Variants in COPB2 observed in about 807,000 individuals in gnomAD.
COPB2 encodes coat protein complex I subunit beta 2.
COPB2 carries 16 observed loss-of-function variants against 120.8 expected under a neutral mutation model. That is an observed-to-expected ratio of 0.13 (90% CI 0.09 to 0.20). The LOEUF (loss-of-function observed/expected upper bound fraction) is 0.20. Among genes scored for constraint, COPB2 ranks in the 10% least tolerant of loss-of-function variants. The pLI is 1.00. For missense variants in COPB2, 794 were observed against 1,076.5 expected, an observed-to-expected ratio of 0.74 and a Z score of 3.67; for synonymous variants, 332 against 366.3, an observed-to-expected ratio of 0.91 and a Z score of 1.07.
Position 139,369,483 on chromosome 3 carries a change from A to AT in COPB2, c.1266dup (p.Ser423IlefsTer3). 6.2e-7 allele frequency: 1 copy of AT among 1,611,802 alleles called. No homozygotes were observed. The highest frequency in any genetic ancestry group is 8.5e-7 in the Non-Finnish European group (1 of 1,178,850). On this transcript the variant is annotated frameshift_variant, in exon 11 of 22. Coordinates refer to ENST00000333188, the MANE Select transcript of COPB2 (RefSeq NM_004766.3). LOFTEE classifies it high-confidence loss of function. ...TCTGCTCCAAAATCTGGTTTAAATG[A>AT]TTTTTTTTCCTTAAAGTTCTTAAAT...
intron 16 of COPB2, 57 bp from the exon 17 acceptor site, chr3:139,361,352 C>T: frequency 6.6e-7 from 1 of 1,509,208 alleles, no homozygotes; most frequent in Non-Finnish European, 9.1e-7. Context: ...TTTACATTTC[C>T]AACATTATTC....
chr3:139,377,068 A>G (rs1168195179), intron 5 of COPB2, among the ~76,000 whole-genome samples: 3 of 123,576 alleles, frequency 2.4e-5, no homozygotes, highest in African/African-American at 7.4e-5. Context: ...TTTAAATATT[A>G]TGATAAAAAA....
chr3:139,371,410 G>T (rs1040939391), intron 10 of COPB2, among the ~76,000 whole-genome samples: 3 of 152,292 alleles, frequency 2.0e-5, no homozygotes, highest in African/African-American at 7.2e-5. Flanking sequence ...AGACATGAGG[G>T]TCTACTGTGC....
intron 12 of COPB2, among the ~76,000 whole-genome samples, chr3:139,368,902 G>T (rs956745283): frequency 6.6e-6 from 1 of 152,184 alleles, no homozygotes; most frequent in African/African-American, 2.4e-5. Flanking sequence ...TCAAGTTCAA[G>T]CAGCTATCAT....
intron 10 of COPB2, 87 bp from the exon 11 acceptor site, chr3:139,369,631 T>C: frequency 1.2e-6 from 1 of 829,360 alleles, no homozygotes. Flanking sequence ...CAAATATTTT[T>C]CAGTAATTAT....
chr3:139,361,557 T>A (rs559436322), intron 16 of COPB2, among the ~76,000 whole-genome samples: 17 of 152,346 alleles, frequency 1.1e-4, no homozygotes, highest in African/African-American at 4.1e-4. Flanking sequence ...ATCTTATAAT[T>A]ACACAGGGAA....
chr3:139,376,794 A>C (rs1941720684), intron 5 of COPB2, among the ~76,000 whole-genome samples: 1 of 152,210 alleles, frequency 6.6e-6, no homozygotes, highest in Non-Finnish European at 1.5e-5. Context: ...CTGTCCCCCA[A>C]GTTGGAGCGC....
chr3:139,369,077 G>A (rs1165907355), intron 12 of COPB2, among the ~76,000 whole-genome samples, 184 bp downstream of exon 12: 2 of 152,154 alleles, frequency 1.3e-5, no homozygotes, highest in Non-Finnish European at 2.9e-5. Context: ...TAATGAGGCC[G>A]TAGACAATGT....
At chr3:139,380,543 T>C in intron 2 of COPB2, 1 of 152,230 alleles carries the variant, frequency 6.6e-6, no homozygotes, top group East Asian at 1.9e-4. Context: ...GTTCTCCTTC[T>C]TTGATGCCTG....
intron 8 of COPB2, 103 bp from the exon 9 acceptor site, chr3:139,373,515 C>T (rs1576374943): frequency 2.6e-6 from 4 of 1,513,110 alleles, no homozygotes; most frequent in East Asian, 4.6e-5. Context: ...CATTTCCTTT[C>T]TTCCACTTTA....
chr3:139,386,403 T>C (rs1941922507), intron 1 of COPB2, among the ~76,000 whole-genome samples: 1 of 151,988 alleles, frequency 6.6e-6, no homozygotes, highest in African/African-American at 2.4e-5. Flanking sequence ...TACAGGTGCC[T>C]GCCACCATGT....
chr3:139,368,298 A>G lies in COPB2; in HGVS notation c.1402-10T>C. ...AGTCAGACCAGAAAATCTGCAACACAACAAAATCATAGACAACTGATTTGG... is the reference window on the plus strand; with the variant it reads ...AGTCAGACCAGAAAATCTGCAACACGACAAAATCATAGACAACTGATTTGG... On this transcript the variant is annotated splice_polypyrimidine_tract_variant and intron_variant, in intron 12 of 21. Coordinates refer to ENST00000333188, the MANE Select transcript of COPB2 (RefSeq NM_004766.3). The G allele has an allele frequency of 6.2e-7, 1 of 1,604,852 alleles. No homozygotes were observed. Among genetic ancestry groups the G allele is most frequent in the Non-Finnish European group, 8.5e-7 (1 of 1,176,512 alleles).
chr3:139,381,140 CAAT>C (rs1230858199), intron 2 of COPB2: 1 of 152,076 alleles, frequency 6.6e-6, no homozygotes, highest in African/African-American at 2.4e-5. Flanking sequence ...GTAGGCAAGG[CAAT>C]AATATCATCT....
chr3:139,388,999 T>C (rs537246163), intron 1 of COPB2, among the ~76,000 whole-genome samples: 1 of 152,282 alleles, frequency 6.6e-6, no homozygotes, highest in Non-Finnish European at 1.5e-5. Flanking sequence ...GCCAGTGTTA[T>C]AAACAGCACC....
chr3:139,362,376 C>T, intron 16 of COPB2, 31 bp downstream of exon 16: 2 of 1,487,934 alleles, frequency 1.3e-6, no homozygotes, highest in Middle Eastern at 1.7e-4. Context: ...ACTTTTCCAT[C>T]AGTTATGAAA....
At chr3:139,377,507 A>C (rs932186110) in intron 5 of COPB2, among the ~76,000 whole-genome samples, 1 of 152,260 alleles carries the variant, frequency 6.6e-6, no homozygotes, top group Non-Finnish European at 1.5e-5. Context: ...TGAGTAGACC[A>C]GGGTTTTAGG....
chr3:139,371,937 G>T, intron 9 of COPB2, 104 bp from the exon 10 acceptor site: 1 of 767,858 alleles, frequency 1.3e-6, no homozygotes, highest in Non-Finnish European at 2.1e-6. Flanking sequence ...AATAACAAAT[G>T]TTATTTAGTT....
intron 17 of COPB2, 74 bp downstream of exon 17, chr3:139,361,007 G>T: frequency 2.0e-6 from 3 of 1,506,154 alleles, no homozygotes; most frequent in Non-Finnish European, 2.7e-6. Flanking sequence ...TTCTCTCCAG[G>T]GTTCATTCTT....
At chr3:139,383,074 G>C in intron 2 of COPB2, 1 of 546,326 alleles carries the variant, frequency 1.8e-6, no homozygotes, top group Non-Finnish European at 3.2e-6. Context: ...ACCTAAGTCA[G>C]AGTTGTTATA....
Sources: allele counts gnomAD v4.1 joint callset (sites outside exome capture counted in the v4.1 genomes callset), GRCh38; gene constraint gnomAD v4.1.1; transcripts MANE v1.5; gene names NCBI Gene and HGNC (gene_info 2026-07-23, HGNC 2026-07-21).